The following TMEM132B variants were observed in gnomAD, a reference collection of about 807,000 sequenced individuals.
The protein encoded by TMEM132B is transmembrane protein 132B.
In TMEM132B, 18 loss-of-function variants were observed where a neutral mutation model predicts 90.8. The ratio of observed to expected loss-of-function variants is 0.20; its 90% CI spans 0.14 to 0.29. The LOEUF (loss-of-function observed/expected upper bound fraction) is 0.29, where lower values mean the gene tolerates loss of function less well. TMEM132B is among the 10% of genes least tolerant of loss of function. The pLI is 1.00. For missense variants in TMEM132B, 1,096 were observed against 1,326.8 expected, an observed-to-expected ratio of 0.83 and a Z score of 2.70; for synonymous variants, 504 against 523.3, an observed-to-expected ratio of 0.96 and a Z score of 0.50.
intron 1 of TMEM132B, among the ~76,000 whole-genome samples, chr12:125,262,067 G>C (rs973687443): frequency 6.6e-6 from 1 of 151,912 alleles, no homozygotes; most frequent in African/African-American, 2.4e-5. Flanking sequence ...TATACCTCAG[G>C]ACAAGGCTAA....
At chr12:125,273,120 A>G (rs1196674664) in intron 1 of TMEM132B, among the ~76,000 whole-genome samples, 1 of 152,196 alleles carries the variant, frequency 6.6e-6, no homozygotes, top group Non-Finnish European at 1.5e-5. Flanking sequence ...TGTACCTACT[A>G]CTTAGTTAAG....
Position 125,656,246 on chromosome 12 carries a change from T to C in TMEM132B, c.*1536T>C, listed in dbSNP as rs1887057837. ...TATGAGCTTTACTGAGCCATTTGCATCTCTAAGAAATATGATTTTAAAGGC... is the reference window on the plus strand; with the variant it reads ...TATGAGCTTTACTGAGCCATTTGCACCTCTAAGAAATATGATTTTAAAGGC... On this transcript the variant is annotated 3_prime_UTR_variant, in exon 9 of 9. Transcript: ENST00000682704. 1 of 152,138 alleles carries C rather than the reference T, an allele frequency of 6.6e-6. No individual in the cohort carries two copies. The allele number at this position is 152,138 out of a possible 1,614,324, so 9.4% of individuals were successfully genotyped here.
chr12:125,563,679 A>G (rs1212721027), intron 4 of TMEM132B, among the ~76,000 whole-genome samples: 1 of 152,184 alleles, frequency 6.6e-6, no homozygotes, highest in South Asian at 2.1e-4. Context: ...TGAAAAGTGA[A>G]TAAGAATCCC....
At chr12:125,609,493 T>G (rs1422155978) in intron 5 of TMEM132B, among the ~76,000 whole-genome samples, 2 of 151,920 alleles carry the variant, frequency 1.3e-5, no homozygotes, top group Admixed American at 6.6e-5. Flanking sequence ...GTAATTTTTT[T>G]GGGGGGTGGT....
intron 2 of TMEM132B, among the ~76,000 whole-genome samples, chr12:125,360,418 A>T (rs149560368): frequency 6.9e-4 from 105 of 152,370 alleles, no homozygotes; most frequent in African/African-American, 2.5e-3. Flanking sequence ...AAATGAAACA[A>T]ATTTTAATTC....
intron 2 of TMEM132B, among the ~76,000 whole-genome samples, chr12:125,411,192 T>C (rs967169130): frequency 9.4e-6 from 1 of 105,956 alleles, no homozygotes; most frequent in Non-Finnish European, 2.0e-5. Context: ...AGTGGAGGAG[T>C]GGAGTGGAGT....
intron 3 of TMEM132B, among the ~76,000 whole-genome samples, chr12:125,477,406 A>C (rs772054661): frequency 2.0e-5 from 3 of 152,270 alleles, no homozygotes; most frequent in South Asian, 4.1e-4. Context: ...CTCTGGCTCA[A>C]TCCACCCCTT....
At chr12:125,424,910 G>A (rs1430863020) in intron 3 of TMEM132B, among the ~76,000 whole-genome samples, 1 of 152,164 alleles carries the variant, frequency 6.6e-6, no homozygotes, top group Non-Finnish European at 1.5e-5. Context: ...AGCAAGGGTA[G>A]GGGGATTCTT....
At chr12:125,282,588 A>G (rs374908946) in intron 1 of TMEM132B, among the ~76,000 whole-genome samples, 14 of 152,168 alleles carry the variant, frequency 9.2e-5, no homozygotes, top group Non-Finnish European at 1.2e-4. Context: ...AAGGGCAGCT[A>G]TGTTGTCCCC....
chr12:125,444,666 C>G (rs930207313), intron 3 of TMEM132B, among the ~76,000 whole-genome samples: 15 of 152,112 alleles, frequency 9.9e-5, no homozygotes, highest in Non-Finnish European at 2.9e-5. Context: ...TTGAGATGGT[C>G]GGTTTTATGT....
chr12:125,457,854 G>A (rs1881334296), intron 3 of TMEM132B, among the ~76,000 whole-genome samples: 1 of 152,238 alleles, frequency 6.6e-6, no homozygotes, highest in African/African-American at 2.4e-5. Flanking sequence ...GGCCACAGGT[G>A]TACATGTCCA....
chr12:125,193,263 C>A (rs1277835705), intron 1 of TMEM132B, among the ~76,000 whole-genome samples: 2 of 152,130 alleles, frequency 1.3e-5, no homozygotes, highest in Non-Finnish European at 2.9e-5. Context: ...TCAGAGGAAC[C>A]TAGGGACTGA....
At chr12:125,601,481 T>C (rs906390846) in intron 5 of TMEM132B, among the ~76,000 whole-genome samples, 31 of 152,210 alleles carry the variant, frequency 2.0e-4, no homozygotes, top group African/African-American at 7.2e-4. Context: ...AGAGGGAAAT[T>C]TATAGCACTA....
intron 3 of TMEM132B, among the ~76,000 whole-genome samples, chr12:125,444,487 C>T (rs1880952317): frequency 6.6e-6 from 1 of 152,170 alleles, no homozygotes. Context: ...CCTAATGGAA[C>T]CAGTAAGGTT....
At chr12:125,345,669 C>A (rs982888042) in intron 1 of TMEM132B, among the ~76,000 whole-genome samples, 2 of 152,128 alleles carry the variant, frequency 1.3e-5, no homozygotes, top group Non-Finnish European at 2.9e-5. Flanking sequence ...TCTGGTGCAC[C>A]TTGTGTTCTC....
At chr12:125,633,568 G>C (rs1886414496) in intron 5 of TMEM132B, among the ~76,000 whole-genome samples, 1 of 152,176 alleles carries the variant, frequency 6.6e-6, no homozygotes, top group African/African-American at 2.4e-5. Context: ...TGTTCTTTTT[G>C]GGAAGGCTTT....
chr12:125,503,403 C>T (rs1259683119), intron 3 of TMEM132B, among the ~76,000 whole-genome samples: 1 of 152,198 alleles, frequency 6.6e-6, no homozygotes, highest in Non-Finnish European at 1.5e-5. Flanking sequence ...GCTTTTTCAT[C>T]CTATTGTTTC....
chr12:125,405,189 G>T (rs113685905), intron 2 of TMEM132B, among the ~76,000 whole-genome samples: 45 of 152,360 alleles, frequency 3.0e-4, no homozygotes, highest in African/African-American at 1.1e-3. Context: ...GTAGGGTTGA[G>T]AAACCTTCTC....
intron 4 of TMEM132B, among the ~76,000 whole-genome samples, chr12:125,532,701 G>GA (rs1414048855): frequency 6.6e-6 from 1 of 152,034 alleles, no homozygotes; most frequent in Non-Finnish European, 1.5e-5. Context: ...TTTTAGTAGA[G>GA]ACGGGGTTTC....
Sources: allele counts gnomAD v4.1 joint callset (sites outside exome capture counted in the v4.1 genomes callset), GRCh38; gene constraint gnomAD v4.1.1; transcripts MANE v1.5; gene names NCBI Gene and HGNC (gene_info 2026-07-23, HGNC 2026-07-21).